Variants in CEP112 observed in about 807,000 individuals in gnomAD.
CEP112 encodes centrosomal protein 112, also known as centrosomal protein of 112 kDa.
CEP112 carries 127 observed loss-of-function variants against 153.0 expected under a neutral mutation model. That is an observed-to-expected ratio of 0.83 (90% CI 0.72 to 0.96). CEP112 has a LOEUF of 0.96. Ranked by LOEUF, CEP112 falls within the 40% of genes least tolerant of loss-of-function variation. The pLI is 0.00. For missense variants in CEP112, 1,089 were observed against 1,101.2 expected (o/e 0.99, Z 0.16); for synonymous variants, 358 against 374.4 (o/e 0.96, Z 0.51).
intron 6 of CEP112, among the ~76,000 whole-genome samples, chr17:66,107,343 A>G (rs1451379391): frequency 6.6e-6 from 1 of 152,156 alleles, no homozygotes; most frequent in Non-Finnish European, 1.5e-5. Context: ...GGAAAGGAAG[A>G]AGTCAAATTA....
At chr17:66,139,764 T>C (rs187802375) in intron 4 of CEP112, among the ~76,000 whole-genome samples, 7 of 152,066 alleles carry the variant, frequency 4.6e-5, no homozygotes, top group Admixed American at 3.3e-4. Context: ...AACAGACCAA[T>C]AACTAGTAAG....
In CEP112 at chr17:65,654,998, G is replaced by T. The variant is rs1161079527; in HGVS notation, c.2698-13933C>A. 1.7e-5 allele frequency: 12 copies of T among 699,160 alleles called. No individual in the cohort carries two copies. In the Admixed American group the frequency reaches 2.2e-4, roughly 13 times the overall value. 43.3% of individuals were successfully genotyped at this position (699,160 alleles called of 1,614,324 possible). On this transcript the variant is annotated intron_variant, in intron 24 of 26. Coordinates refer to ENST00000535342, the MANE Select transcript of CEP112 (RefSeq NM_001199165.4). ...GATTGGCAAAGGGAACCTGATAGAA[G>T]AACAGGCCCTTATCATAAATGCTTC...
At chr17:65,685,667 A>ATTTTTTTTTTTTTTT (rs556118592) in intron 24 of CEP112, among the ~76,000 whole-genome samples, 2 of 105,318 alleles carry the variant, frequency 1.9e-5, no homozygotes, top group Non-Finnish European at 1.8e-5. Flanking sequence ...AATAGTTCTA[A>ATTTTTTTTTTTTTTT]TTTTTTTTTT....
At chr17:65,774,158 A>G (rs1235902840) in intron 21 of CEP112, among the ~76,000 whole-genome samples, 15 of 152,040 alleles carry the variant, frequency 9.9e-5, no homozygotes, top group Admixed American at 9.2e-4. Flanking sequence ...GCGGGGAATA[A>G]GAATACTACT....
chr17:65,701,824 C>T (rs1000574142), intron 23 of CEP112, among the ~76,000 whole-genome samples: 1 of 151,806 alleles, frequency 6.6e-6, no homozygotes, highest in African/African-American at 2.4e-5. Flanking sequence ...ATCTCACAAT[C>T]ATTTGTAAGC....
At chr17:65,732,957 C>T (rs974490414) in intron 23 of CEP112, among the ~76,000 whole-genome samples, 3 of 152,216 alleles carry the variant, frequency 2.0e-5, no homozygotes, top group African/African-American at 7.2e-5. Context: ...TTTTAATTTC[C>T]TTCAAGAACT....
chr17:66,104,672 G>A (rs1253173720), intron 6 of CEP112, among the ~76,000 whole-genome samples: 1 of 152,160 alleles, frequency 6.6e-6, no homozygotes, highest in African/African-American at 2.4e-5. Context: ...CACCAAGCAG[G>A]CTCCTGGGGT....
At chr17:65,641,146 G>T in intron 24 of CEP112, 81 bp from the exon 25 acceptor site, 2 of 755,824 alleles carry the variant, frequency 2.6e-6, no homozygotes, top group Non-Finnish European at 4.6e-6. Flanking sequence ...GAACAGATCT[G>T]TTCATCACAA....
chr17:65,773,493 T>C (rs1343713414), intron 21 of CEP112, among the ~76,000 whole-genome samples: 3 of 152,208 alleles, frequency 2.0e-5, no homozygotes, highest in Non-Finnish European at 2.9e-5. Flanking sequence ...TCTGTAAATC[T>C]GTTAAAAATC....
Position 66,078,262 on chromosome 17 carries a change from T to C in CEP112, c.769-8261A>G, listed in dbSNP as rs1435779481. ...TTTTTTTTTTCTTTTCTTTTCTTTT[T>C]CTTTTTTTTTTTTTTGAGACGGAGT... On this transcript the variant is annotated intron_variant, in intron 8 of 26. Transcript: ENST00000535342. Among the ~76,000 whole-genome samples the C allele has an allele frequency of 5.4e-5, 6 of 110,808 alleles. No homozygotes were observed. The East Asian group carries it at 1.7e-3, about 31-fold the overall frequency. 72.7% of individuals were successfully genotyped at this position (110,808 alleles called of 152,430 possible).
chr17:66,089,693 A>T (rs1451131316), intron 8 of CEP112, among the ~76,000 whole-genome samples: 1 of 152,146 alleles, frequency 6.6e-6, no homozygotes, highest in Admixed American at 6.5e-5. Flanking sequence ...ATGGGACAGG[A>T]TCAAAAGAGA....
At chr17:65,765,342 G>A (rs7223496) in intron 21 of CEP112, among the ~76,000 whole-genome samples, 65,810 of 150,392 alleles carry the variant, frequency 0.44, 14,968 homozygotes, top group East Asian at 0.78. Context: ...GTTCTTTGGT[G>A]GTGTCATATT....
intron 12 of CEP112, among the ~76,000 whole-genome samples, chr17:66,036,657 C>T (rs146172716): frequency 7.9e-5 from 12 of 152,214 alleles, no homozygotes; most frequent in South Asian, 2.1e-4. Context: ...AATTGATTAA[C>T]GTGGCCACAG....
chr17:65,735,128 G>A (rs2050725150), intron 23 of CEP112, among the ~76,000 whole-genome samples: 1 of 152,172 alleles, frequency 6.6e-6, no homozygotes, highest in African/African-American at 2.4e-5. Context: ...CAGGCTCACA[G>A]TGGTGGTATT....
chr17:66,058,385 CAT>C lies in CEP112; in HGVS notation c.1075-4508_1075-4507del, dbSNP rs568702471. Among the ~76,000 whole-genome samples the C allele has an allele frequency of 6.4e-4, 98 of 152,154 alleles. 2 individuals carry two copies. In the South Asian group the frequency reaches 0.019, roughly 30 times the overall value. On this transcript the variant is annotated intron_variant, in intron 11 of 26. Transcript: ENST00000535342. ...ACCAAAATGTGAGAAAGAAAAACCACATGACTAGAAATAACAAAATAAAAACT... is the reference window on the plus strand; with the variant it reads ...ACCAAAATGTGAGAAAGAAAAACCACGACTAGAAATAACAAAATAAAAACT...
At chr17:66,185,836 C>G (rs1464611249) in intron 1 of CEP112, among the ~76,000 whole-genome samples, 6 of 152,206 alleles carry the variant, frequency 3.9e-5, no homozygotes, top group Non-Finnish European at 8.8e-5. Context: ...ACAAACTGCC[C>G]TCTATCTGCT....
At chr17:65,792,604 C>T (rs866503353) in intron 21 of CEP112, among the ~76,000 whole-genome samples, 17 of 151,008 alleles carry the variant, frequency 1.1e-4, no homozygotes, top group Admixed American at 7.3e-4. Flanking sequence ...AGTAAATTTA[C>T]GTTGTGTTAT....
chr17:66,007,310 C>T (rs542223883), intron 16 of CEP112, among the ~76,000 whole-genome samples: 20 of 152,242 alleles, frequency 1.3e-4, no homozygotes, highest in Non-Finnish European at 2.8e-4. Context: ...TAAAGTATCT[C>T]ATAAAGACTA....
intron 18 of CEP112, among the ~76,000 whole-genome samples, chr17:65,942,772 A>G (rs892321699): frequency 6.6e-6 from 1 of 152,228 alleles, no homozygotes; most frequent in Non-Finnish European, 1.5e-5. Flanking sequence ...TATTACTAAT[A>G]AAGTAGGAAT....
Sources: allele counts gnomAD v4.1 joint callset (sites outside exome capture counted in the v4.1 genomes callset), GRCh38; gene constraint gnomAD v4.1.1; transcripts MANE v1.5; gene names NCBI Gene and HGNC (gene_info 2026-07-23, HGNC 2026-07-21).